Variants in SND1 observed in about 807,000 individuals in gnomAD.
SND1 encodes the protein staphylococcal nuclease domain-containing protein 1.
A neutral mutation model predicts 121.7 loss-of-function variants in SND1; 38 were observed. The ratio of observed to expected loss-of-function variants is 0.31; its 90% CI spans 0.24 to 0.41. SND1 has a LOEUF of 0.41. Among genes scored for constraint, SND1 ranks in the 10% least tolerant of loss-of-function variants. SND1 has a pLI of 1.00. For missense variants in SND1, 868 were observed against 1,184.6 expected, an observed-to-expected ratio of 0.73 and a Z score of 3.92; for synonymous variants, 401 against 447.4, an observed-to-expected ratio of 0.90 and a Z score of 1.31.
chr7:127,843,330 C>G (rs1798998277), intron 11 of SND1, among the ~76,000 whole-genome samples: 1 of 152,158 alleles, frequency 6.6e-6, no homozygotes, highest in Non-Finnish European at 1.5e-5. Context: ...GTATTCACCA[C>G]TATAGTGTCG....
At chr7:128,071,345 C>T (rs1172077472) in intron 16 of SND1, among the ~76,000 whole-genome samples, 1 of 152,088 alleles carries the variant, frequency 6.6e-6, no homozygotes, top group Non-Finnish European at 1.5e-5. Context: ...CCTGCATTTC[C>T]CCTAGGAGCA....
intron 15 of SND1, among the ~76,000 whole-genome samples, chr7:127,953,527 A>G (rs2116858770): frequency 6.6e-6 from 1 of 152,244 alleles, no homozygotes. Context: ...GTGCATGTGG[A>G]CTGGACCAGT....
intron 12 of SND1, among the ~76,000 whole-genome samples, chr7:127,868,240 C>G (rs1293443207): frequency 1.3e-5 from 2 of 152,096 alleles, no homozygotes; most frequent in Non-Finnish European, 2.9e-5. Flanking sequence ...TAAAAAATAG[C>G]CAGGTGTAGC....
chr7:128,078,165 CA>C (rs1437419417), intron 17 of SND1, among the ~76,000 whole-genome samples: 3 of 152,218 alleles, frequency 2.0e-5, no homozygotes, highest in Non-Finnish European at 4.4e-5. Context: ...GGGACAAGGG[CA>C]ACCACGCCTG....
intron 1 of SND1, chr7:127,679,247 A>T (rs1054078991): frequency 3.3e-5 from 5 of 152,124 alleles, no homozygotes; most frequent in Non-Finnish European, 5.9e-5. Context: ...GAAGGTTTAT[A>T]CTTATAGCCG....
At chr7:127,772,650 A>G (rs1797535183) in intron 10 of SND1, among the ~76,000 whole-genome samples, 1 of 152,218 alleles carries the variant, frequency 6.6e-6, no homozygotes, top group Admixed American at 6.5e-5. Context: ...TCAGAGGGCC[A>G]TTTTGATACT....
intron 12 of SND1, among the ~76,000 whole-genome samples, chr7:127,844,929 T>C (rs1799031894): frequency 6.6e-6 from 1 of 152,186 alleles, no homozygotes; most frequent in African/African-American, 2.4e-5. Context: ...AGGAAGAGTC[T>C]TTCAGGGGAG....
Position 127,703,183 on chromosome 7 carries a change from G to C in SND1, c.700G>C (p.Glu234Gln). The change falls in exon 7 of 24, where the codon GAA becomes CAA. Residue 234 changes from glutamate (E) to glutamine (Q), a missense_variant. Around this residue, in one of 2 missense-constraint regions of SND1, gnomAD observed 743 missense variants for 1,071.3 expected, o/e 0.69. Transcript: ENST00000354725. ...SGIKCPTFRR[E>Q]ADGSETPEPF... is the part of the protein sequence containing the mutation. ...GCTTTAGTGCCCAACTTTTCGACGG[G>C]AAGCAGATGGCAGTGAAACTCCAGA... The C allele has an allele frequency of 1.2e-6, 2 of 1,614,116 alleles. No homozygotes were observed. The highest frequency in any genetic ancestry group is 1.7e-6 in the Non-Finnish European group (2 of 1,179,988).
In SND1 at chr7:127,904,815, C is replaced by T. The variant is rs1453033915; in HGVS notation, c.1523C>T (p.Ser508Phe). The T allele has an allele frequency of 6.2e-7, 1 of 1,603,030 alleles. No homozygotes were observed. The highest frequency in any genetic ancestry group is 8.5e-7 in the Non-Finnish European group (1 of 1,170,068). ...CCTATCCACCGTGTTGCAGATATAT[C>T]TGGGGTGAGTCGAGTCCCTGAATCA... ...EVPIHRVADI[S>F]GDTQKAKQFL... Residue 508 changes from serine to phenylalanine, a missense_variant, in exon 14 of 24, where the codon TCT (serine) becomes TTT (phenylalanine). Transcript: ENST00000354725.
intron 12 of SND1, among the ~76,000 whole-genome samples, chr7:127,880,660 A>G (rs937295213): frequency 6.6e-6 from 1 of 152,096 alleles, no homozygotes; most frequent in African/African-American, 2.4e-5. Context: ...CTAGATAAAG[A>G]TCTAAGAAAC....
rs575520225 is a variant in SND1 at position 127,763,202 on chromosome 7, C to T, written c.1152+41802C>T. On this transcript the variant is annotated intron_variant, in intron 10 of 23. Transcript: ENST00000354725. ...TATATAAATGTTACTTAAAATCAAG[C>T]ATGTGAGGCTGGACATGTTGGTGCA... Among the ~76,000 whole-genome samples the T allele has an allele frequency of 3.9e-5, 6 of 152,286 alleles. No homozygotes were observed. In the East Asian group the frequency reaches 1.2e-3, roughly 29 times the overall value.
At chr7:127,661,381 G>A (rs1795307862) in intron 1 of SND1, among the ~76,000 whole-genome samples, 1 of 152,072 alleles carries the variant, frequency 6.6e-6, no homozygotes, top group Non-Finnish European at 1.5e-5. Flanking sequence ...CAATAACTTG[G>A]CACATTATTT....
intron 9 of SND1, among the ~76,000 whole-genome samples, chr7:127,716,859 C>T (rs1436547578): frequency 6.6e-6 from 1 of 152,182 alleles, no homozygotes; most frequent in Non-Finnish European, 1.5e-5. Flanking sequence ...CTGCCACTTC[C>T]TTGCCTTTTG....
At chr7:127,787,220 A>G (rs1797828614) in intron 10 of SND1, among the ~76,000 whole-genome samples, 1 of 151,502 alleles carries the variant, frequency 6.6e-6, no homozygotes, top group Admixed American at 6.6e-5. Context: ...GTTGGTTTTT[A>G]TTGATTTTCC....
chr7:127,740,878 T>C lies in SND1; in HGVS notation c.1152+19478T>C, dbSNP rs903036229. On this transcript the variant is annotated intron_variant, in intron 10 of 23. Coordinates refer to ENST00000354725, the MANE Select transcript of SND1 (RefSeq NM_014390.4). Reference sequence around the variant, plus strand: ...GACATCAAAACCAAATCAAATCTTATAGATGCAGATGTTGTTTAGCCTGCT... The same window carrying C: ...GACATCAAAACCAAATCAAATCTTACAGATGCAGATGTTGTTTAGCCTGCT... 2.6e-5 allele frequency among the ~76,000 whole-genome samples: 4 copies of C among 152,226 alleles called. No individual in the cohort carries two copies. In the East Asian group the frequency reaches 5.8e-4, roughly 22 times the overall value.
intron 16 of SND1, among the ~76,000 whole-genome samples, chr7:128,067,762 C>T (rs1793341344): frequency 6.6e-6 from 1 of 152,132 alleles, no homozygotes; most frequent in South Asian, 2.1e-4. Flanking sequence ...AGTATCTCTT[C>T]TCCATCCTCC....
chr7:128,083,183 G>A (rs1793634414), intron 18 of SND1, among the ~76,000 whole-genome samples: 1 of 152,326 alleles, frequency 6.6e-6, no homozygotes. Flanking sequence ...GGGATCTGAC[G>A]AAAACATTGC....
At chr7:128,076,226 G>A (rs1293726007) in intron 17 of SND1, among the ~76,000 whole-genome samples, 1 of 152,170 alleles carries the variant, frequency 6.6e-6, no homozygotes, top group East Asian at 1.9e-4. Context: ...TCCCTGCCAG[G>A]GGCTGTGCTG....
chr7:127,799,459 C>A (rs1416398663), intron 10 of SND1, among the ~76,000 whole-genome samples: 1 of 152,088 alleles, frequency 6.6e-6, no homozygotes, highest in Non-Finnish European at 1.5e-5. Flanking sequence ...TTCACACATG[C>A]TAATAGGGCC....
Sources: allele counts gnomAD v4.1 joint callset (sites outside exome capture counted in the v4.1 genomes callset), GRCh38; gene constraint gnomAD v4.1.1; regional missense constraint gnomAD v4.1.1; transcripts MANE v1.5; gene names NCBI Gene and HGNC (gene_info 2026-07-23, HGNC 2026-07-21).